The following TIAM1 variants were observed in gnomAD, a reference collection of about 807,000 sequenced individuals.
The protein encoded by TIAM1 is rho guanine nucleotide exchange factor TIAM1.
In TIAM1, 65 loss-of-function variants were observed where a neutral mutation model predicts 163.5. That is an observed-to-expected ratio of 0.40 (90% CI 0.33 to 0.49). The LOEUF is 0.49. Ranked by LOEUF, TIAM1 falls within the 20% of genes least tolerant of loss-of-function variation. TIAM1 has a pLI of 0.77. For missense variants in TIAM1, 1,789 were observed against 2,044.7 expected (o/e 0.87, Z 2.41); for synonymous variants, 833 against 810.1 (o/e 1.03, Z -0.48).
intron 2 of TIAM1, among the ~76,000 whole-genome samples, chr21:31,307,542 C>G (rs1027220842): frequency 1.3e-5 from 2 of 152,198 alleles, no homozygotes; most frequent in Non-Finnish European, 2.9e-5. Flanking sequence ...CGGATCTACC[C>G]CGGAGAACTC....
In TIAM1 at chr21:31,292,727, G is replaced by A. The variant is rs750965670; in HGVS notation, c.-188-15819C>T. Among the ~76,000 whole-genome samples the A allele has an allele frequency of 2.2e-3, 323 of 148,152 alleles. 1 individual carries two copies. Among genetic ancestry groups the A allele is most frequent in the Non-Finnish European group, 3.9e-3 (264 of 67,358 alleles). ...TTTGTTACCCAGGCTGGAGTGCAAC[G>A]CGGTGATCTCAGCTCACTGCAACCT... is the stretch of plus-strand genomic sequence containing the variant. On this transcript the variant is annotated intron_variant, in intron 2 of 27. Transcript: ENST00000541036.
At chr21:31,489,347 G>T in intron 1 of TIAM1, among the ~76,000 whole-genome samples, 1 of 121,130 alleles carries the variant, frequency 8.3e-6, no homozygotes, top group East Asian at 2.8e-4. Flanking sequence ...TCCAGTGTTG[G>T]TGACAGACAA....
At chr21:31,405,927 C>T (rs2077240018) in intron 2 of TIAM1, among the ~76,000 whole-genome samples, 3 of 152,164 alleles carry the variant, frequency 2.0e-5, no homozygotes, top group Non-Finnish European at 4.4e-5. Flanking sequence ...ACAAAACTCA[C>T]CTCCACCTTC....
intron 1 of TIAM1, among the ~76,000 whole-genome samples, chr21:31,524,525 A>G (rs1452778150): frequency 6.6e-6 from 1 of 152,206 alleles, no homozygotes; most frequent in Admixed American, 6.5e-5. Context: ...ACCTGGACTC[A>G]AAAGTATATT....
At chr21:31,433,748 T>C (rs1199535538) in intron 2 of TIAM1, among the ~76,000 whole-genome samples, 1 of 152,260 alleles carries the variant, frequency 6.6e-6, no homozygotes, top group East Asian at 1.9e-4. Flanking sequence ...AGGGAATACG[T>C]TATTCCACAC....
At position 31,546,187 on chromosome 21, in the gene TIAM1, TAAA is replaced by T. The variant is rs11331323; in HGVS notation, c.-422+12737_-422+12739del. Among the ~76,000 whole-genome samples, 254 of 144,854 alleles carry T rather than the reference TAAA, an allele frequency of 1.8e-3. 2 individuals are homozygous for T. Among genetic ancestry groups the T allele is most frequent in the African/African-American group, 5.5e-3 (217 of 39,762 alleles). ...GTAATGAAAAGAGGTATTTGTAATT[TAAA>T]AAAAAAAAAAAACTGTGATGGAATC... On this transcript the variant is annotated intron_variant, in intron 1 of 28. Coordinates refer to the TIAM1 transcript ENST00000286827.
chr21:31,439,532 C>T lies in TIAM1; in HGVS notation c.-369+24451G>A, dbSNP rs117515869. On this transcript the variant is annotated intron_variant, in intron 2 of 28. Coordinates refer to the TIAM1 transcript ENST00000286827. ...CTTGAACTCCTGACCTCAAGTAATT[C>T]ACCCGCGTTGGCCTCCCAAAGTGCT... Among the ~76,000 whole-genome samples, 825 of 152,300 alleles carry T rather than the reference C, an allele frequency of 5.4e-3. 6 individuals carry two copies. Among genetic ancestry groups the T allele is most frequent in the Non-Finnish European group, 8.3e-3 (564 of 68,034 alleles).
At chr21:31,365,383 C>CTTTTTTTTTTTTTTT in intron 2 of TIAM1, among the ~76,000 whole-genome samples, 1 of 138,418 alleles carries the variant, frequency 7.2e-6, no homozygotes, top group South Asian at 2.4e-4. Context: ...TCACTTATTT[C>CTTTTTTTTTTTTTTT]TTTCTTTTTT....
intron 2 of TIAM1, among the ~76,000 whole-genome samples, chr21:31,411,935 C>G (rs925034753): frequency 7.0e-6 from 1 of 143,736 alleles, no homozygotes; most frequent in Non-Finnish European, 1.6e-5. Flanking sequence ...AGAAACAAGA[C>G]GGCTACCCAA....
intron 8 of TIAM1, among the ~76,000 whole-genome samples, chr21:31,222,701 ATATATATTTTTTTTTTTT>A (rs2087660525): frequency 4.3e-5 from 2 of 46,424 alleles, no homozygotes; most frequent in African/African-American, 2.1e-4. Context: ...ATATATATAT[ATATATATTTTTTTTTTTT>A]TTTTTTTTTT....
chr21:31,503,756 C>A (rs1034910943), intron 1 of TIAM1, among the ~76,000 whole-genome samples: 16 of 151,204 alleles, frequency 1.1e-4, no homozygotes, highest in African/African-American at 3.6e-4. Context: ...TTCATCATCA[C>A]AGTAAAGTCC....
intron 1 of TIAM1, among the ~76,000 whole-genome samples, chr21:31,502,469 A>G (rs910763482): frequency 3.3e-5 from 5 of 152,058 alleles, no homozygotes; most frequent in Admixed American, 2.0e-4. Context: ...GCTGACTTCC[A>G]TGTCCATTAC....
chr21:31,146,765 T>C (rs1311208560), intron 20 of TIAM1, 130 bp downstream of exon 20: 3 of 667,388 alleles, frequency 4.5e-6, no homozygotes, highest in African/African-American at 1.8e-5. Flanking sequence ...AGCACCCATA[T>C]CAGTGGCTTG....
At chr21:31,552,779 A>G (rs575217869) in intron 1 of TIAM1, among the ~76,000 whole-genome samples, 1 of 151,060 alleles carries the variant, frequency 6.6e-6, no homozygotes, top group East Asian at 1.9e-4. Context: ...TCCAAAAAGA[A>G]AAAAAGAGAG....
At chr21:31,231,257 A>C (rs1244809936) in intron 6 of TIAM1, among the ~76,000 whole-genome samples, 1 of 152,172 alleles carries the variant, frequency 6.6e-6, no homozygotes, top group Non-Finnish European at 1.5e-5. Flanking sequence ...CTGAGATTTA[A>C]GTGCTCCTTT....
At chr21:31,190,025 A>T (rs1336677733) in intron 13 of TIAM1, among the ~76,000 whole-genome samples, 1 of 152,220 alleles carries the variant, frequency 6.6e-6, no homozygotes, top group African/African-American at 2.4e-5. Context: ...ACCAACTGGA[A>T]GGCTGTTAGC....
chr21:31,143,299 T>C (rs1349236172), intron 20 of TIAM1, among the ~76,000 whole-genome samples: 6 of 152,164 alleles, frequency 3.9e-5, no homozygotes, highest in Non-Finnish European at 7.3e-5. Context: ...AATATTCATC[T>C]GGATGACTTT....
In TIAM1 at chr21:31,333,588, C is replaced by T. The variant is rs145542623; in HGVS notation, c.-189+5655G>A. 2.4e-4 allele frequency among the ~76,000 whole-genome samples: 37 copies of T among 152,224 alleles called. No individual in the cohort carries two copies. In the East Asian group the frequency reaches 7.2e-3, roughly 30 times the overall value. On this transcript the variant is annotated intron_variant, in intron 2 of 27. Transcript: ENST00000541036. ...GCGTAGCTGGGACCACAGACATGCA[C>T]CACCACACCCTGGCTAAGTTTTTTA...
At chr21:31,275,502 T>G (rs1382342145) in intron 3 of TIAM1, among the ~76,000 whole-genome samples, 1 of 152,190 alleles carries the variant, frequency 6.6e-6, no homozygotes, top group Non-Finnish European at 1.5e-5. Context: ...TTGGACTTAT[T>G]CTACTTTTTC....
Sources: allele counts gnomAD v4.1 joint callset (sites outside exome capture counted in the v4.1 genomes callset), GRCh38; gene constraint gnomAD v4.1.1; transcripts MANE v1.5; gene names NCBI Gene and HGNC (gene_info 2026-07-23, HGNC 2026-07-21).